Variants in SMAD4 observed in about 807,000 individuals in gnomAD.
SMAD4 encodes SMAD family member 4.
In SMAD4, 7 loss-of-function variants were observed where a neutral mutation model predicts 63.2. The ratio of observed to expected loss-of-function variants is 0.11; its 90% CI spans 0.06 to 0.21. The LOEUF (loss-of-function observed/expected upper bound fraction) is 0.21. Ranked by LOEUF, SMAD4 falls within the 10% of genes least tolerant of loss-of-function variation. SMAD4 has a pLI of 1.00. For synonymous variants in SMAD4, 215 were observed against 235.4 expected (o/e 0.91, Z 0.79); for missense variants, 312 against 693.8 (o/e 0.45, Z 6.18).
chr18:51,058,823 C>T (rs1024514768), intron 7 of SMAD4, among the ~76,000 whole-genome samples: 4 of 152,122 alleles, frequency 2.6e-5, no homozygotes, highest in Admixed American at 6.5e-5. Flanking sequence ...TTTCCCTCAG[C>T]GTAGTATTCA....
intron 4 of SMAD4, among the ~76,000 whole-genome samples, chr18:51,049,840 A>T (rs1909654325): frequency 6.6e-6 from 1 of 152,226 alleles, no homozygotes; most frequent in Admixed American, 6.5e-5. Flanking sequence ...GAGTAAATAA[A>T]TCAAGGCTAC....
intron 10 of SMAD4, among the ~76,000 whole-genome samples, chr18:51,070,417 A>G (rs1056506433): frequency 3.3e-5 from 5 of 152,224 alleles, no homozygotes; most frequent in African/African-American, 1.2e-4. Flanking sequence ...AAGTAGATAA[A>G]TACCTTGTTG....
chr18:51,061,665 C>G lies in SMAD4; in HGVS notation c.955+1749C>G, dbSNP rs546568779. ...GTTTCAGCCATTATCAAGTAATGAC[C>G]AATCTTGTTTCATTCATACTCACTC... On this transcript the variant is annotated intron_variant, in intron 8 of 11. Coordinates refer to ENST00000342988, the MANE Select transcript of SMAD4 (RefSeq NM_005359.6). Among the ~76,000 whole-genome samples, 172 of 152,236 alleles carry G rather than the reference C, an allele frequency of 1.1e-3. 1 individual carries two copies. Among genetic ancestry groups the G allele is most frequent in the African/African-American group, 3.7e-3 (153 of 41,534 alleles).
intron 1 of SMAD4, among the ~76,000 whole-genome samples, chr18:51,034,430 G>A (rs1909144166): frequency 6.6e-6 from 1 of 151,988 alleles, no homozygotes; most frequent in Admixed American, 6.6e-5. Context: ...TGTATTATTA[G>A]TAGAGGACGG....
intron 8 of SMAD4, among the ~76,000 whole-genome samples, chr18:51,061,078 T>C (rs1343060656): frequency 6.6e-6 from 1 of 152,050 alleles, no homozygotes; most frequent in Non-Finnish European, 1.5e-5. Context: ...GATTTTATTT[T>C]TGATCTTTGT....
chr18:51,035,817 C>G (rs900175273), intron 1 of SMAD4, among the ~76,000 whole-genome samples: 2 of 152,106 alleles, frequency 1.3e-5, no homozygotes, highest in Non-Finnish European at 2.9e-5. Flanking sequence ...ATCTCTGTCT[C>G]TGGAAGAGCT....
intron 1 of SMAD4, among the ~76,000 whole-genome samples, chr18:51,034,797 C>G (rs545705980): frequency 1.1e-4 from 16 of 152,220 alleles, no homozygotes; most frequent in African/African-American, 3.4e-4. Flanking sequence ...CGTCCCACCT[C>G]GACCTCCCAA....
rs529667388 is a variant in SMAD4, at chr18:51,034,315, C to T, written c.-128+3692C>T. On this transcript the variant is annotated intron_variant, in intron 1 of 11. Transcript: ENST00000342988. Reference sequence around the variant, plus strand: ...AGGCTAGAGTGCAATGGTACGATTTCGGCTCACTGCAACCTCCACTTGCTG... The same window carrying T: ...AGGCTAGAGTGCAATGGTACGATTTTGGCTCACTGCAACCTCCACTTGCTG... 7.4e-5 allele frequency among the ~76,000 whole-genome samples: 11 copies of T among 148,524 alleles called. No homozygotes were observed. In the South Asian group the frequency reaches 8.7e-4, roughly 12 times the overall value.
intron 10 of SMAD4, among the ~76,000 whole-genome samples, chr18:51,074,185 T>C (rs1400784572): frequency 7.0e-6 from 1 of 143,872 alleles, no homozygotes; most frequent in African/African-American, 2.6e-5. Context: ...AAGATCAGCC[T>C]GGGCAACAGC....
At position 51,083,482 on chromosome 18, in the gene SMAD4, T is replaced by G. The variant is rs1201036845; in HGVS notation, c.*5015T>G. On this transcript the variant is annotated 3_prime_UTR_variant, in exon 12 of 12. Transcript: ENST00000342988. ...TTCTGTTTTTTTTTTTCTAATGTAG[T>G]AAGGACTAAGGAAAACCTTTGGTGA... is the stretch of plus-strand genomic sequence containing the variant. 4.4e-6 allele frequency: 1 copy of G among 227,738 alleles called. No homozygotes were observed. Among genetic ancestry groups the G allele is most frequent in the Non-Finnish European group, 8.7e-6 (1 of 114,938 alleles). 14.1% of individuals were successfully genotyped at this position (227,738 alleles called of 1,614,324 possible). A position where few individuals can be genotyped will look rare whatever the true frequency, so the allele number is the denominator to read the frequency against.
At chr18:51,038,133 T>G (rs911617437) in intron 1 of SMAD4, among the ~76,000 whole-genome samples, 1 of 151,960 alleles carries the variant, frequency 6.6e-6, no homozygotes, top group East Asian at 1.9e-4. Context: ...TGTAGTGGCA[T>G]GTAGTTCTAG....
At chr18:51,040,348 C>G (rs551470496) in intron 1 of SMAD4, among the ~76,000 whole-genome samples, 2 of 151,542 alleles carry the variant, frequency 1.3e-5, no homozygotes, top group African/African-American at 4.8e-5. Context: ...CGCTTGAACC[C>G]AGGAGGCAGA....
chr18:51,083,068 A>G lies in SMAD4; in HGVS notation c.*4601A>G, dbSNP rs1379341326. On this transcript the variant is annotated 3_prime_UTR_variant, in exon 12 of 12. Transcript: ENST00000342988. ...GTTGAGATAGAGAGAAGTGAGTCAT[A>G]TTCATATTTTCCCCCTTAGAATAAT... 4.4e-6 allele frequency: 1 copy of G among 225,112 alleles called. No individual in the cohort carries two copies. The highest frequency in any genetic ancestry group is 8.8e-6 in the Non-Finnish European group (1 of 113,082). 13.9% of individuals were successfully genotyped at this position (225,112 alleles called of 1,614,324 possible).
chr18:51,070,933 C>A (rs938862845), intron 10 of SMAD4, among the ~76,000 whole-genome samples: 1 of 152,074 alleles, frequency 6.6e-6, no homozygotes, highest in Admixed American at 6.6e-5. Flanking sequence ...TGTTGTTAAT[C>A]TCTTACTATG....
rs1410779875 is a variant in SMAD4 at position 51,030,351 on chromosome 18, C to G, written c.-400C>G. 6.6e-6 allele frequency: 1 copy of G among 152,456 alleles called. No individual in the cohort carries two copies. The highest frequency in any genetic ancestry group is 2.4e-5 in the African/African-American group (1 of 41,416). The allele number at this position is 152,456 out of a possible 1,614,324, so 9.4% of individuals were successfully genotyped here. On this transcript the variant is annotated 5_prime_UTR_variant, in exon 1 of 12. Coordinates refer to ENST00000342988, the MANE Select transcript of SMAD4 (RefSeq NM_005359.6). ...TCCTCGGGAGGCCCTTCCTGCTCTC[C>G]CCTAGGCTCCGCGGCCGCCCAGGGG...
In SMAD4 at chr18:51,081,616, A is replaced by C. The variant is rs1047601402; in HGVS notation, c.*3149A>C. 1.3e-5 allele frequency: 3 copies of C among 232,736 alleles called. No homozygotes were observed. Among genetic ancestry groups the C allele is most frequent in the Non-Finnish European group, 2.5e-5 (3 of 117,828 alleles). The allele number at this position is 232,736 out of a possible 1,614,324, so 14.4% of individuals were successfully genotyped here. A position where few individuals can be genotyped will look rare whatever the true frequency, so the allele number is the denominator to read the frequency against. ...AGAGCCATACTTGAGACATGTGAGT[A>C]AACTGAACTCATATTAGCTGTGCTG... On this transcript the variant is annotated 3_prime_UTR_variant, in exon 12 of 12. Transcript: ENST00000342988.
At chr18:51,039,549 C>T (rs1909311968) in intron 1 of SMAD4, among the ~76,000 whole-genome samples, 1 of 133,276 alleles carries the variant, frequency 7.5e-6, no homozygotes, top group African/African-American at 2.8e-5. Context: ...TGTCACTTGC[C>T]TGCCTTGCGT....
chr18:51,083,440 CT>C lies in SMAD4; in HGVS notation c.*4978del, dbSNP rs1910657469. ...ATCAGACTGGAATGAATGAATGAAA[CT>C]TTTTGTCCTTTTTTTTTCTGTTTTT... On this transcript the variant is annotated 3_prime_UTR_variant, in exon 12 of 12. Transcript: ENST00000342988. 4.4e-6 allele frequency: 1 copy of C among 226,844 alleles called. No individual in the cohort carries two copies. Among genetic ancestry groups the C allele is most frequent in the African/African-American group, 2.3e-5 (1 of 44,420 alleles). The allele number at this position is 226,844 out of a possible 1,614,324, so 14.1% of individuals were successfully genotyped here.
chr18:51,034,348 G>A (rs1909141254), intron 1 of SMAD4, among the ~76,000 whole-genome samples: 2 of 151,752 alleles, frequency 1.3e-5, no homozygotes, highest in Non-Finnish European at 2.9e-5. Context: ...CTGGGTTCAA[G>A]CGATTCCCCT....
Sources: gnomAD v4.1 joint callset for allele counts (sites outside exome capture counted in the v4.1 genomes callset) on GRCh38, gnomAD v4.1.1 for gene constraint, MANE v1.5 for transcripts, NCBI Gene and HGNC (gene_info 2026-07-23, HGNC 2026-07-21) for gene names.